RAB7A: variants seen among roughly 807,000 people sequenced by gnomAD.
The protein encoded by RAB7A is ras-related protein Rab-7a.
A neutral mutation model predicts 24.5 loss-of-function variants in RAB7A; 2 were observed. The observed-to-expected ratio is 0.08, with a 90% CI of 0.03 to 0.26. The LOEUF is 0.26. RAB7A is among the 10% of genes least tolerant of loss of function. The pLI, the probability that RAB7A is intolerant of heterozygous loss-of-function variation, is 1.00. For synonymous variants in RAB7A, 100 were observed against 95.9 expected, an observed-to-expected ratio of 1.04 and a Z score of -0.25; for missense variants, 118 against 255.7, an observed-to-expected ratio of 0.46 and a Z score of 3.67.
intron 1 of RAB7A, among the ~76,000 whole-genome samples, chr3:128,742,979 C>T (rs912511926): frequency 3.9e-5 from 6 of 152,184 alleles, no homozygotes; most frequent in Non-Finnish European, 8.8e-5. Context: ...GAGCAGGGGG[C>T]GGTGCCCGTC....
chr3:128,783,124 C>T (rs1438060670), intron 1 of RAB7A, among the ~76,000 whole-genome samples: 1 of 152,124 alleles, frequency 6.6e-6, no homozygotes, highest in Non-Finnish European at 1.5e-5. Context: ...AATTGTTTAC[C>T]AAGCCCTTGC....
At chr3:128,752,514 C>T (rs1393357374) in intron 1 of RAB7A, among the ~76,000 whole-genome samples, 1 of 151,980 alleles carries the variant, frequency 6.6e-6, no homozygotes, top group African/African-American at 2.4e-5. Flanking sequence ...AAAAACACTA[C>T]ACATGAGGAA....
chr3:128,788,352 T>C (rs896183280), intron 1 of RAB7A, among the ~76,000 whole-genome samples: 2 of 152,228 alleles, frequency 1.3e-5, no homozygotes, highest in African/African-American at 4.8e-5. Context: ...ATATTTTCTA[T>C]CTTTGAAATT....
At chr3:128,772,178 G>A (rs993985684) in intron 1 of RAB7A, among the ~76,000 whole-genome samples, 1 of 152,210 alleles carries the variant, frequency 6.6e-6, no homozygotes, top group Non-Finnish European at 1.5e-5. Flanking sequence ...CACAGGGAAG[G>A]ATTATCAAGA....
intron 1 of RAB7A, 27 bp from the exon 2 acceptor site, chr3:128,795,333 C>G (rs1376549641): frequency 3.2e-6 from 5 of 1,586,264 alleles, no homozygotes; most frequent in South Asian, 2.2e-5. Flanking sequence ...ATCACACTCA[C>G]AGTGATTTCT....
chr3:128,747,754 CATTTT>C (rs930671184), intron 1 of RAB7A, among the ~76,000 whole-genome samples: 4 of 151,116 alleles, frequency 2.6e-5, no homozygotes, highest in African/African-American at 9.8e-5. Flanking sequence ...GATTCTTTTT[CATTTT>C]GTTTTGTTTT....
intron 4 of RAB7A, 36 bp downstream of exon 4, chr3:128,806,626 C>A: frequency 1.3e-6 from 2 of 1,580,770 alleles, no homozygotes; most frequent in East Asian, 2.2e-5. Flanking sequence ...GTCACAGACA[C>A]CTGCTCCCCA....
At chr3:128,787,490 G>A (rs769164933) in intron 1 of RAB7A, among the ~76,000 whole-genome samples, 3 of 152,150 alleles carry the variant, frequency 2.0e-5, no homozygotes, top group Non-Finnish European at 4.4e-5. Flanking sequence ...ACTGCAAAAT[G>A]GCATGGTAGG....
rs142342670 is a variant in RAB7A at position 128,755,686 on chromosome 3, A to G, written c.-9+29327A>G. ...CACCTTGGACGATGCCATCTCCTCA[A>G]CCTGGAAAGTGATATGATTTTATTT... On this transcript the variant is annotated intron_variant, in intron 1 of 5. Coordinates refer to ENST00000265062, the MANE Select transcript of RAB7A (RefSeq NM_004637.6). 2.8e-3 allele frequency among the ~76,000 whole-genome samples: 424 copies of G among 152,290 alleles called. 3 individuals are homozygous for G. The highest frequency in any genetic ancestry group is 6.0e-3 in the Admixed American group (92 of 15,298).
At chr3:128,751,136 A>G (rs1224792145) in intron 1 of RAB7A, among the ~76,000 whole-genome samples, 1 of 152,178 alleles carries the variant, frequency 6.6e-6, no homozygotes, top group Admixed American at 6.5e-5. Context: ...TCTCATGGAG[A>G]ACCTCTGCTA....
chr3:128,781,228 A>G (rs1933211492), intron 1 of RAB7A, among the ~76,000 whole-genome samples: 1 of 152,254 alleles, frequency 6.6e-6, no homozygotes, highest in African/African-American at 2.4e-5. Flanking sequence ...TTGTTGATTA[A>G]GTGCATATTT....
chr3:128,772,413 C>T (rs910512781), intron 1 of RAB7A, among the ~76,000 whole-genome samples: 3 of 151,908 alleles, frequency 2.0e-5, no homozygotes, highest in Non-Finnish European at 2.9e-5. Flanking sequence ...ACTATTGTCT[C>T]GTTTTTTTTT....
chr3:128,740,398 C>T (rs1314764943), intron 1 of RAB7A, among the ~76,000 whole-genome samples: 2 of 152,154 alleles, frequency 1.3e-5, no homozygotes, highest in Non-Finnish European at 2.9e-5. Context: ...TATTTTCCTA[C>T]TTATCTAATC....
intron 1 of RAB7A, among the ~76,000 whole-genome samples, chr3:128,744,870 CTTTTTCTTTTTTTTT>C (rs2070594562): frequency 6.8e-6 from 1 of 147,264 alleles, no homozygotes; most frequent in Admixed American, 6.7e-5. Context: ...TTCTTTTTTT[CTTTTTCTTTTTTTTT>C]TTTTTTGAGA....
In RAB7A at chr3:128,813,601, A is replaced by T; in HGVS notation, c.*179A>T. On this transcript the variant is annotated 3_prime_UTR_variant, in exon 6 of 6. Coordinates refer to ENST00000265062, the MANE Select transcript of RAB7A (RefSeq NM_004637.6). ...ACATATCTCTCACACACACACACAC[A>T]CGCACACACACACACACAGATCTGA... 1 of 565,366 alleles carries T rather than the reference A, an allele frequency of 1.8e-6. No homozygotes were observed. The highest frequency in any genetic ancestry group is 3.4e-6 in the Non-Finnish European group (1 of 297,486). 35.0% of individuals were successfully genotyped at this position (565,366 alleles called of 1,614,324 possible).
At chr3:128,759,483 G>A (rs755424751) in intron 1 of RAB7A, among the ~76,000 whole-genome samples, 3 of 152,216 alleles carry the variant, frequency 2.0e-5, no homozygotes, top group Non-Finnish European at 4.4e-5. Flanking sequence ...AGATCTTGTG[G>A]GCCCAGTTTG....
chr3:128,783,081 C>T (rs557308855), intron 1 of RAB7A, among the ~76,000 whole-genome samples: 1 of 152,194 alleles, frequency 6.6e-6, no homozygotes. Context: ...TCATCTCTTA[C>T]TTGGCCTCTG....
intron 1 of RAB7A, among the ~76,000 whole-genome samples, chr3:128,737,883 C>G (rs1347545317): frequency 2.5e-5 from 3 of 122,160 alleles, no homozygotes; most frequent in Admixed American, 1.0e-4. Context: ...ACCGTGTTGC[C>G]TAGGCTTGTC....
intron 1 of RAB7A, among the ~76,000 whole-genome samples, chr3:128,762,928 AG>A (rs2070786530): frequency 6.6e-6 from 1 of 152,132 alleles, no homozygotes; most frequent in African/African-American, 2.4e-5. Flanking sequence ...CTGTTCTTTC[AG>A]TTGAGCTACT....
Sources: allele counts gnomAD v4.1 joint callset (sites outside exome capture counted in the v4.1 genomes callset), GRCh38; gene constraint gnomAD v4.1.1; transcripts MANE v1.5; gene names NCBI Gene and HGNC (gene_info 2026-07-23, HGNC 2026-07-21).